Variants in DNAJC3 observed in about 807,000 individuals in gnomAD.
The protein encoded by DNAJC3 is DnaJ heat shock protein family (Hsp40) member C3, also known as dnaJ homolog subfamily C member 3.
Under a neutral mutation model 68.6 loss-of-function variants are expected in DNAJC3, and 38 were observed. The observed-to-expected ratio is 0.55, with a 90% CI of 0.43 to 0.73. The LOEUF (loss-of-function observed/expected upper bound fraction) is 0.73, where lower values mean the gene tolerates loss of function less well. DNAJC3 is among the 30% of genes least tolerant of loss of function. The pLI is 0.00. For missense variants in DNAJC3, 526 were observed against 591.9 expected (o/e 0.89, Z 1.16); for synonymous variants, 203 against 204.0 (o/e 1.00, Z 0.04).
chr13:95,770,621 C>T (rs1373881721), intron 9 of DNAJC3, among the ~76,000 whole-genome samples: 1 of 152,146 alleles, frequency 6.6e-6, no homozygotes, highest in Non-Finnish European at 1.5e-5. Context: ...TAGAATTAAA[C>T]ATACTATCTC....
chr13:95,727,394 C>T (rs1473794365), intron 4 of DNAJC3, among the ~76,000 whole-genome samples: 1 of 152,176 alleles, frequency 6.6e-6, no homozygotes, highest in African/African-American at 2.4e-5. Context: ...TGGACTCTCA[C>T]AGACCTTCTA....
intron 4 of DNAJC3, among the ~76,000 whole-genome samples, chr13:95,733,715 T>TC (rs1211084577): frequency 1.3e-4 from 20 of 151,110 alleles, no homozygotes; most frequent in Admixed American, 1.3e-3. Context: ...TTTTTTTTTT[T>TC]TTTTTTTTTT....
At chr13:95,749,953 G>A (rs1441493891) in intron 4 of DNAJC3, among the ~76,000 whole-genome samples, 1 of 152,166 alleles carries the variant, frequency 6.6e-6, no homozygotes, top group South Asian at 2.1e-4. Flanking sequence ...GGGAGGCTGA[G>A]GCAGGAGAAT....
chr13:95,748,491 T>G (rs1882377441), intron 4 of DNAJC3, among the ~76,000 whole-genome samples: 1 of 152,180 alleles, frequency 6.6e-6, no homozygotes. Context: ...AAAGGATCAT[T>G]ATATTGTTTC....
chr13:95,784,691 G>C (rs1251751050), intron 9 of DNAJC3, among the ~76,000 whole-genome samples: 2 of 152,180 alleles, frequency 1.3e-5, no homozygotes, highest in Non-Finnish European at 2.9e-5. Flanking sequence ...CCTGAAATCT[G>C]GCTTCCCAAA....
chr13:95,734,800 G>A (rs541829969), intron 4 of DNAJC3, among the ~76,000 whole-genome samples: 17 of 148,106 alleles, frequency 1.1e-4, no homozygotes, highest in African/African-American at 3.8e-4. Context: ...GCTTGCTGTC[G>A]TCTATTGTTG....
At chr13:95,739,920 G>GT (rs1009837988) in intron 4 of DNAJC3, among the ~76,000 whole-genome samples, 3 of 152,136 alleles carry the variant, frequency 2.0e-5, no homozygotes, top group Admixed American at 6.5e-5. Context: ...TTTCTGTTCT[G>GT]TTTTTTCCCC....
intron 4 of DNAJC3, among the ~76,000 whole-genome samples, chr13:95,756,388 A>G (rs1485358144): frequency 6.6e-6 from 1 of 152,244 alleles, no homozygotes; most frequent in Non-Finnish European, 1.5e-5. Flanking sequence ...ACCAATTCCT[A>G]GTTACCAATG....
At chr13:95,689,257 A>G (rs886655394) in intron 1 of DNAJC3, among the ~76,000 whole-genome samples, 2 of 150,310 alleles carry the variant, frequency 1.3e-5, no homozygotes, top group African/African-American at 2.5e-5. Context: ...AGATTTTGTC[A>G]GGACTAATTT....
chr13:95,780,737 C>T (rs1283010923), intron 9 of DNAJC3, among the ~76,000 whole-genome samples: 1 of 152,156 alleles, frequency 6.6e-6, no homozygotes, highest in African/African-American at 2.4e-5. Flanking sequence ...ATACTATATT[C>T]TTTCAAAGGA....
chr13:95,746,590 G>A (rs1171086524), intron 4 of DNAJC3, among the ~76,000 whole-genome samples: 2 of 152,068 alleles, frequency 1.3e-5, no homozygotes, highest in Non-Finnish European at 2.9e-5. Flanking sequence ...ACCAATTACA[G>A]GATTCTTATA....
At chr13:95,759,937 A>G (rs1160454678) in intron 5 of DNAJC3, 103 bp from the exon 6 acceptor site, 17 of 1,171,438 alleles carry the variant, frequency 1.5e-5, no homozygotes, top group Middle Eastern at 2.1e-4. Flanking sequence ...ATCAATTGAG[A>G]ATGTTTTATG....
At chr13:95,785,220 A>G (rs1341555385) in intron 9 of DNAJC3, among the ~76,000 whole-genome samples, 1 of 151,898 alleles carries the variant, frequency 6.6e-6, no homozygotes, top group Non-Finnish European at 1.5e-5. Flanking sequence ...ACTGTTGTCA[A>G]TCCATAGCTG....
intron 2 of DNAJC3, among the ~76,000 whole-genome samples, chr13:95,714,894 A>G (rs1273943872): frequency 2.0e-5 from 3 of 152,194 alleles, no homozygotes; most frequent in Non-Finnish European, 2.9e-5. Context: ...GCATATAATT[A>G]AAGTCGGTTT....
Position 95,738,978 on chromosome 13 carries a change from T to A in DNAJC3, c.393+13726T>A, listed in dbSNP as rs1175839766. Among the ~76,000 whole-genome samples the A allele has an allele frequency of 2.0e-5, 3 of 152,210 alleles. No homozygotes were observed. In the East Asian group the frequency reaches 5.8e-4, roughly 29 times the overall value. On this transcript the variant is annotated intron_variant, in intron 4 of 11. Transcript: ENST00000602402. ...GGCTGGTACTGGTTGTTCCTTTCCA[T>A]GTTTAGTGCTTCCTTCAGGAGCTCT...
At position 95,723,260 on chromosome 13, in the gene DNAJC3, A is replaced by G; in HGVS notation, c.212A>G (p.Tyr71Cys). The G allele has an allele frequency of 1.2e-6, 2 of 1,610,296 alleles. No individual in the cohort carries two copies. The highest frequency in any genetic ancestry group is 1.1e-5 in the South Asian group (1 of 90,722). ...HAAVDGDPDNYIAYYRRATVF... is the reference protein window; with the variant it reads ...HAAVDGDPDNCIAYYRRATVF... The stretch of plus-strand genomic sequence containing the variant: ...TTTTCAGATGGTGACCCTGATAACT[A>G]TATTGCTTATTATCGGAGGGCTACT... Residue 71 changes from tyrosine (Y) to cysteine (C), a missense_variant, in exon 3 of 12, where the codon TAT (tyrosine) becomes TGT (cysteine). Physicochemically the swap from Tyr to Cys is radical, Grantham distance 194 (BLOSUM62 -2). Transcript: ENST00000602402.
At chr13:95,742,181 C>T (rs1340224749) in intron 4 of DNAJC3, among the ~76,000 whole-genome samples, 1 of 152,178 alleles carries the variant, frequency 6.6e-6, no homozygotes, top group African/African-American at 2.4e-5. Flanking sequence ...AGCAATCCTT[C>T]TCCTGGGGTG....
chr13:95,694,546 G>T (rs908448977), intron 1 of DNAJC3: 8 of 152,490 alleles, frequency 5.2e-5, no homozygotes, highest in African/African-American at 1.7e-4. Context: ...AATAATCATT[G>T]TACTTCAACT....
chr13:95,725,591 A>T lies in DNAJC3; in HGVS notation c.393+339A>T, dbSNP rs150650075. Among the ~76,000 whole-genome samples, 107 of 152,048 alleles carry T rather than the reference A, an allele frequency of 7.0e-4. 2 individuals carry two copies. The East Asian group carries it at 0.02, about 29-fold the overall frequency. On this transcript the variant is annotated intron_variant, in intron 4 of 11. Transcript: ENST00000602402. The stretch of plus-strand genomic sequence containing the variant: ...ACTTTTAAAGCCCTTGTTAATCCTT[A>T]TTAGGCTTTGGATCTGTCCTTTTGG...
Sources: gnomAD v4.1 joint callset for allele counts (sites outside exome capture counted in the v4.1 genomes callset) on GRCh38, gnomAD v4.1.1 for gene constraint, MANE v1.5 for transcripts, NCBI Gene and HGNC (gene_info 2026-07-23, HGNC 2026-07-21) for gene names.